DNM1L: variants seen among roughly 807,000 people sequenced by gnomAD.
The protein encoded by DNM1L is dynamin-1-like protein.
DNM1L carries 33 observed loss-of-function variants against 92.8 expected under a neutral mutation model. The observed-to-expected ratio is 0.36, with a 90% CI of 0.27 to 0.48. The LOEUF is 0.48. Ranked by LOEUF, DNM1L falls within the 20% of genes least tolerant of loss-of-function variation. The probability of loss-of-function intolerance (pLI) is 0.99; values close to 1 mark genes in which losing one functional copy is unlikely to be tolerated. For missense variants in DNM1L, 485 were observed against 888.8 expected, an observed-to-expected ratio of 0.55 and a Z score of 5.78; for synonymous variants, 284 against 305.0, an observed-to-expected ratio of 0.93 and a Z score of 0.72.
rs371570335 is a variant in DNM1L, at chr12:32,679,319, C to T, written c.-45C>T. On this transcript the variant is annotated 5_prime_UTR_variant, in exon 1 of 20. Coordinates refer to ENST00000549701, the MANE Select transcript of DNM1L (RefSeq NM_012062.5). The stretch of plus-strand genomic sequence containing the variant: ...GCGAACTGTGGGCCCCGGCCCCATT[C>T]ATTGCCGTGGCCGGCGGGCACTGGG... 2.4e-5 allele frequency: 32 copies of T among 1,349,510 alleles called. No individual in the cohort carries two copies. The African/African-American group carries it at 4.0e-4, about 17-fold the overall frequency. The allele number at this position is 1,349,510 out of a possible 1,614,324, so 83.6% of individuals were successfully genotyped here. A position where few individuals can be genotyped will look rare whatever the true frequency, so the allele number is the denominator to read the frequency against.
intron 1 of DNM1L, among the ~76,000 whole-genome samples, chr12:32,685,017 G>A (rs570373060): frequency 4.7e-5 from 7 of 149,454 alleles, no homozygotes; most frequent in Admixed American, 2.7e-4. Context: ...TTGGCTCACC[G>A]CAAGCTCCGC....
At chr12:32,743,330 A>C in intron 19 of DNM1L, 24 bp from the exon 20 acceptor site, 1 of 1,608,766 alleles carries the variant, frequency 6.2e-7, no homozygotes, top group Non-Finnish European at 8.5e-7. Context: ...ATAAGCATTT[A>C]AAATTTTTTT....
intron 3 of DNM1L, among the ~76,000 whole-genome samples, 166 bp from the exon 4 acceptor site, chr12:32,707,986 TA>T (rs1350879589): frequency 2.0e-5 from 3 of 151,422 alleles, no homozygotes; most frequent in African/African-American, 4.8e-5. Context: ...AAAAAACTCA[TA>T]AAAAAACTAT....
At chr12:32,733,344 TA>T in intron 12 of DNM1L, 1 of 229,592 alleles carries the variant, frequency 4.4e-6, no homozygotes, top group Non-Finnish European at 8.6e-6. Context: ...GAAAATGAAC[TA>T]AAAAAGTGAC....
chr12:32,724,289 C>T (rs1340660481), intron 9 of DNM1L, among the ~76,000 whole-genome samples: 1 of 151,736 alleles, frequency 6.6e-6, no homozygotes, highest in Non-Finnish European at 1.5e-5. Flanking sequence ...AAAATAGGAG[C>T]CACATTGGCC....
At chr12:32,740,559 T>C in intron 18 of DNM1L, 41 bp downstream of exon 18, 2 of 1,498,344 alleles carry the variant, frequency 1.3e-6, no homozygotes, top group Non-Finnish European at 1.8e-6. Flanking sequence ...TTAATACTTC[T>C]GGATGATTCT....
In DNM1L at chr12:32,710,094, A is replaced by G. The variant is rs180740211; in HGVS notation, c.370-835A>G. ...TGTCTTTTTACATGTAGTTGATTCA[A>G]TCCTAATACTTGTAGAGGGCCAGTG... is the stretch of plus-strand genomic sequence containing the variant. On this transcript the variant is annotated intron_variant, in intron 4 of 19. Coordinates refer to ENST00000549701, the MANE Select transcript of DNM1L (RefSeq NM_012062.5). 5.3e-5 allele frequency among the ~76,000 whole-genome samples: 8 copies of G among 152,336 alleles called. No individual in the cohort carries two copies. The East Asian group carries it at 1.2e-3, about 22-fold the overall frequency.
chr12:32,685,718 A>G (rs1359481548), intron 1 of DNM1L, among the ~76,000 whole-genome samples: 3 of 150,506 alleles, frequency 2.0e-5, no homozygotes, highest in Non-Finnish European at 4.4e-5. Flanking sequence ...CATCCTTATC[A>G]ACACTTGTTG....
At chr12:32,730,013 T>G (rs1954443749) in intron 9 of DNM1L, among the ~76,000 whole-genome samples, 1 of 152,168 alleles carries the variant, frequency 6.6e-6, no homozygotes, top group Non-Finnish European at 1.5e-5. Flanking sequence ...AATACCAGGG[T>G]TTCTAGTTAT....
chr12:32,686,120 G>A (rs1420120403), intron 1 of DNM1L, among the ~76,000 whole-genome samples: 3 of 136,992 alleles, frequency 2.2e-5, no homozygotes, highest in African/African-American at 5.7e-5. Flanking sequence ...GCGCGATCTC[G>A]GCTCACAGCA....
chr12:32,679,917 C>G (rs1351395944), intron 1 of DNM1L: 1 of 986,362 alleles, frequency 1.0e-6, no homozygotes, highest in East Asian at 1.1e-4. Context: ...TGTTTTATTT[C>G]CCTCCTTGCC....
intron 1 of DNM1L, among the ~76,000 whole-genome samples, chr12:32,681,572 C>G (rs1482581132): frequency 2.8e-5 from 4 of 144,752 alleles, no homozygotes; most frequent in Non-Finnish European, 6.1e-5. Context: ...ACCGCCCCCC[C>G]CGCCCCTATT....
At chr12:32,690,575 A>G (rs1952191188) in intron 1 of DNM1L, among the ~76,000 whole-genome samples, 2 of 152,200 alleles carry the variant, frequency 1.3e-5, no homozygotes, top group Admixed American at 1.3e-4. Context: ...GTTGAAGACT[A>G]CTGGGTTATA....
At chr12:32,724,473 G>C (rs993616785) in intron 9 of DNM1L, among the ~76,000 whole-genome samples, 4 of 150,774 alleles carry the variant, frequency 2.7e-5, no homozygotes, top group African/African-American at 9.7e-5. Context: ...CTACTTAGGA[G>C]GCTGAGGCAG....
In DNM1L at chr12:32,722,648, T is replaced by G. The variant is rs756201432; in HGVS notation, c.1079+15T>G. On this transcript the variant is annotated intron_variant, in intron 9 of 19. Transcript: ENST00000549701. The stretch of plus-strand genomic sequence containing the variant: ...ACTTCGGAGCTGTAAGTAAGAAATT[T>G]TTCTGTAGATTTGGTTACCTAGATT... 6.2e-7 allele frequency: 1 copy of G among 1,600,674 alleles called. No homozygotes were observed. The highest frequency in any genetic ancestry group is 1.3e-5 in the African/African-American group (1 of 74,646).
chr12:32,699,811 A>G (rs545385967), intron 1 of DNM1L, among the ~76,000 whole-genome samples: 19 of 151,596 alleles, frequency 1.3e-4, no homozygotes, highest in South Asian at 4.2e-4. Context: ...AAAAAAAAAA[A>G]AAAAAAAAGC....
intron 7 of DNM1L, among the ~76,000 whole-genome samples, chr12:32,719,007 A>G (rs1488209813): frequency 1.3e-5 from 2 of 151,398 alleles, no homozygotes; most frequent in Non-Finnish European, 2.9e-5. Context: ...GCTGGAATGC[A>G]GTGGCGTGAT....
chr12:32,686,885 A>G (rs10844288), intron 1 of DNM1L, among the ~76,000 whole-genome samples: 23,035 of 146,176 alleles, frequency 0.16, 1,863 homozygotes, highest in Middle Eastern at 0.22. Flanking sequence ...ACATCTTTTC[A>G]TGTGTTTGTT....
At chr12:32,721,931 T>C (rs1242235309) in intron 8 of DNM1L, among the ~76,000 whole-genome samples, 1 of 152,184 alleles carries the variant, frequency 6.6e-6, no homozygotes, top group African/African-American at 2.4e-5. Flanking sequence ...TATAGATAAA[T>C]AGCCAGATGA....
Sources: allele counts gnomAD v4.1 joint callset (sites outside exome capture counted in the v4.1 genomes callset), GRCh38; gene constraint gnomAD v4.1.1; transcripts MANE v1.5; gene names NCBI Gene and HGNC (gene_info 2026-07-23, HGNC 2026-07-21).